The following ANGEL2 variants were observed in gnomAD, a reference collection of about 807,000 sequenced individuals.
ANGEL2 encodes RNA 2',3'-cyclic phosphatase ANGEL2.
A neutral mutation model predicts 66.0 loss-of-function variants in ANGEL2; 41 were observed. That is an observed-to-expected ratio of 0.62 (90% CI 0.48 to 0.81). ANGEL2 has a LOEUF of 0.81. ANGEL2 is among the 30% of genes least tolerant of loss of function. ANGEL2 has a pLI of 0.00. For missense variants in ANGEL2, 561 were observed against 641.6 expected (o/e 0.87, Z 1.36); for synonymous variants, 208 against 226.5 (o/e 0.92, Z 0.73).
intron 4 of ANGEL2, chr1:213,006,461 C>CAAAAA (rs11324297): frequency 4.9e-5 from 4 of 81,842 alleles, no homozygotes; most frequent in Admixed American, 1.2e-4. Flanking sequence ...GACTCTGTCG[C>CAAAAA]AAAAAAAAAA....
chr1:212,997,167 C>T lies in ANGEL2; in HGVS notation c.1471G>A (p.Ala491Thr). 6.2e-7 allele frequency: 1 copy of T among 1,612,670 alleles called. No homozygotes were observed. Among genetic ancestry groups the T allele is most frequent in the South Asian group, 1.1e-5 (1 of 90,954 alleles). Residue 491 changes from alanine to threonine, a missense_variant, in exon 8 of 9, where the codon GCT (alanine) becomes ACT (threonine). Ala to Thr is a moderately conservative substitution (Grantham distance 58, BLOSUM62 0). Transcript: ENST00000366962. Reference sequence around the variant, plus strand: ...ATGCATTCCTTACCTGGGTGCCCAGCAACATCTTCCTTTTCTGCAGAGTAG... The same window carrying T: ...ATGCATTCCTTACCTGGGTGCCCAGTAACATCTTCCTTTTCTGCAGAGTAG... ...IFYSAEKEDV[A>T]GHPGAEVALV...
chr1:212,998,477 G>C (rs143303861), intron 7 of ANGEL2, among the ~76,000 whole-genome samples: 57 of 150,946 alleles, frequency 3.8e-4, no homozygotes, highest in African/African-American at 1.3e-3. Context: ...TATAAGCTAT[G>C]CATATAAACA....
chr1:213,000,775 C>T lies in ANGEL2; in HGVS notation c.1261+11G>A, dbSNP rs534634324. ...CCCAGCAGACTGCCAAAATGTATTA[C>T]AAACACTTACCTGTCTTTTCTACTT... On this transcript the variant is annotated intron_variant, in intron 6 of 8. Transcript: ENST00000366962. 1.8e-5 allele frequency: 29 copies of T among 1,598,744 alleles called. No homozygotes were observed. Among genetic ancestry groups the T allele is most frequent in the African/African-American group, 5.4e-5 (4 of 74,090 alleles).
At chr1:212,996,634 AAAAAAAATATAT>A (rs2076019702) in intron 8 of ANGEL2, among the ~76,000 whole-genome samples, 1 of 49,202 alleles carries the variant, frequency 2.0e-5, no homozygotes, top group African/African-American at 4.3e-5. Flanking sequence ...AAAAAAAAAA[AAAAAAAATATAT>A]ATATATATAT....
intron 7 of ANGEL2, 53 bp from the exon 8 acceptor site, chr1:212,997,371 T>C: frequency 6.7e-7 from 1 of 1,490,988 alleles, no homozygotes; most frequent in Non-Finnish European, 9.2e-7. Flanking sequence ...ACTTCAAGAA[T>C]TCCTCCTATC....
chr1:213,014,112 T>A (rs930925887), intron 1 of ANGEL2, among the ~76,000 whole-genome samples: 5 of 152,188 alleles, frequency 3.3e-5, no homozygotes, highest in Non-Finnish European at 5.9e-5. Context: ...TAACCCATCA[T>A]CCAAAACATC....
At chr1:212,995,824 G>A (rs1274112321) in intron 8 of ANGEL2, among the ~76,000 whole-genome samples, 1 of 151,514 alleles carries the variant, frequency 6.6e-6, no homozygotes, top group Non-Finnish European at 1.5e-5. Context: ...AAGGAGGGGG[G>A]AACAAACAGA....
Position 213,013,223 on chromosome 1 carries a change from C to T in ANGEL2, c.255G>A (p.Glu85=). The change falls in exon 2 of 9, where the codon GAG becomes GAA. Residue 85 remains glutamate (E), a synonymous_variant. Transcript: ENST00000366962. ...TACAGTACTGGAACTGAGTTCTAGA[C>T]TCAAACAAACAGGGTGGTCTCCAAT... The part of the protein sequence containing the change: ...SLNWRPPCLF[E]SRTQFQYCNW... The T allele has an allele frequency of 1.2e-6, 2 of 1,614,128 alleles. No homozygotes were observed. The highest frequency in any genetic ancestry group is 1.7e-6 in the Non-Finnish European group (2 of 1,180,022).
intron 4 of ANGEL2, 178 bp downstream of exon 4, chr1:213,006,951 G>T: frequency 2.2e-6 from 1 of 457,268 alleles, no homozygotes; most frequent in Non-Finnish European, 3.8e-6. Flanking sequence ...ATAATTGGCC[G>T]GGCATGGTGG....
In ANGEL2 at chr1:213,008,438, T is replaced by C. The variant is rs556582176; in HGVS notation, c.414A>G (p.Ile138Met). ...TCGTTTTTTCTTTATCATGGCTACA[T>C]ATATATTCCCAATTCCGCTTTATCA... ...QGVIKRNWEY[I>M]CSHDKEKTKI... Residue 138 changes from isoleucine to methionine, a missense_variant, in exon 3 of 9, where the codon ATA (isoleucine) becomes ATG (methionine). Coordinates refer to ENST00000366962, the MANE Select transcript of ANGEL2 (RefSeq NM_144567.5). The C allele has an allele frequency of 1.2e-6, 2 of 1,613,724 alleles. No homozygotes were observed. Among genetic ancestry groups the C allele is most frequent in the South Asian group, 1.1e-5 (1 of 91,038 alleles).
chr1:213,000,358 C>T lies in ANGEL2; in HGVS notation c.1287G>A (p.Leu429=), dbSNP rs762373866. The change falls in exon 7 of 9, where the codon CTG becomes CTA. Residue 429 remains leucine, a synonymous_variant. Transcript: ENST00000366962. ...KTDSDLTQTQ[L]KQTEVLVTAE... is the part of the protein sequence containing the mutation. ...CTGTCACTAGGACCTCTGTTTGCTT[C>T]AGCTGTGTTTGTGTCAGATCACTGT... The T allele has an allele frequency of 6.2e-7, 1 of 1,613,880 alleles. No homozygotes were observed. The highest frequency in any genetic ancestry group is 1.7e-5 in the Admixed American group (1 of 59,998).
At position 213,005,392 on chromosome 1, in the gene ANGEL2, T is replaced by G. The variant is rs201289618; in HGVS notation, c.775A>C (p.Lys259Gln). The change falls in exon 5 of 9, where the codon AAA becomes CAA. Residue 259 changes from lysine to glutamine, a missense_variant. Coordinates refer to ENST00000366962, the MANE Select transcript of ANGEL2 (RefSeq NM_144567.5). Reference protein sequence around the residue: ...RKPDGCAICFKHSKFSLLSVN... With the variant: ...RKPDGCAICFQHSKFSLLSVN... ...GACAAGAGTGAAAATTTGGAATGTT[T>G]GAAGCAAATAGCACAGCCATCAGGT... 1 of 1,614,120 alleles carries G rather than the reference T, an allele frequency of 6.2e-7. No individual in the cohort carries two copies. The highest frequency in any genetic ancestry group is 2.2e-5 in the East Asian group (1 of 44,890).
At position 212,997,536 on chromosome 1, in the gene ANGEL2, C is replaced by T. The variant is rs141722249; in HGVS notation, c.1320-218G>A. ...TTATAAATGTGGTTTTTAAAAAAAG[C>T]TCAATAATTAACATACTAATGTGTT... On this transcript the variant is annotated intron_variant, in intron 7 of 8. Coordinates refer to ENST00000366962, the MANE Select transcript of ANGEL2 (RefSeq NM_144567.5). Among the ~76,000 whole-genome samples the T allele has an allele frequency of 3.2e-3, 483 of 152,238 alleles. 4 individuals carry two copies. The highest frequency in any genetic ancestry group is 0.011 in the African/African-American group (460 of 41,536).
chr1:213,000,432 TA>T lies in ANGEL2; in HGVS notation c.1262-50del, dbSNP rs1262394831. ...TTAATGTTATTGTTCTAGTTTGCCT[TA>T]ATATCGTCATCTTACTCTAGAAACA... On this transcript the variant is annotated intron_variant, in intron 6 of 8. Transcript: ENST00000366962. The T allele has an allele frequency of 2.0e-6, 3 of 1,491,130 alleles. No individual in the cohort carries two copies. In the Admixed American group the frequency reaches 5.3e-5, roughly 26 times the overall value. 92.4% of individuals were successfully genotyped at this position (1,491,130 alleles called of 1,614,324 possible). A position where few individuals can be genotyped will look rare whatever the true frequency, so the allele number is the denominator to read the frequency against.
chr1:212,997,414 G>T, intron 7 of ANGEL2, 96 bp from the exon 8 acceptor site: 1 of 1,057,268 alleles, frequency 9.5e-7, no homozygotes, highest in Non-Finnish European at 1.4e-6. Context: ...TCTAGACTAA[G>T]ACCAAACATT....
At chr1:213,014,986 G>A (rs1158209935) in intron 1 of ANGEL2, among the ~76,000 whole-genome samples, 2 of 152,204 alleles carry the variant, frequency 1.3e-5, no homozygotes, top group Admixed American at 6.5e-5. Flanking sequence ...TGCAGACACT[G>A]CTTAGGGTGA....
Position 213,015,190 on chromosome 1 carries a change from A to G in ANGEL2, c.59+423T>C, listed in dbSNP as rs373856432. 1.7e-5 allele frequency: 17 copies of G among 1,028,224 alleles called. No homozygotes were observed. The East Asian group carries it at 6.2e-4, about 37-fold the overall frequency. The allele number at this position is 1,028,224 out of a possible 1,614,324, so 63.7% of individuals were successfully genotyped here. On this transcript the variant is annotated intron_variant, in intron 1 of 8. Coordinates refer to ENST00000366962, the MANE Select transcript of ANGEL2 (RefSeq NM_144567.5). ...AGCCCCTCCTGGGCGTGTGCCACAC[A>G]CGCGCCTCCAAGGGATCAGGCCCGC...
chr1:213,013,331 T>G lies in ANGEL2; in HGVS notation c.147A>C (p.Arg49Ser), dbSNP rs1027268930. 2 of 1,614,170 alleles carry G rather than the reference T, an allele frequency of 1.2e-6. 1 individual carries two copies. Among genetic ancestry groups the G allele is most frequent in the Non-Finnish European group, 1.7e-6 (2 of 1,180,002 alleles). ...WENLQRCCWN[R>S]HISSCMRWPG... ...GCCACCTCATACAACTAGAAATATGTCTGTTCCAGCAACACCTTTGCAGAT... is the reference window on the plus strand; with the variant it reads ...GCCACCTCATACAACTAGAAATATGGCTGTTCCAGCAACACCTTTGCAGAT... Residue 49 changes from arginine to serine, a missense_variant, in exon 2 of 9, where the codon AGA (arginine) becomes AGC (serine). By Grantham distance (110) the Arg-to-Ser change is moderately radical (BLOSUM62 -1). Coordinates refer to ENST00000366962, the MANE Select transcript of ANGEL2 (RefSeq NM_144567.5).
intron 4 of ANGEL2, among the ~76,000 whole-genome samples, chr1:213,006,138 G>A (rs1016258835): frequency 6.6e-6 from 1 of 151,974 alleles, no homozygotes; most frequent in South Asian, 2.1e-4. Flanking sequence ...CTAGAACAGT[G>A]CACGGTATAT....
Sources: allele counts gnomAD v4.1 joint callset (sites outside exome capture counted in the v4.1 genomes callset), GRCh38; gene constraint gnomAD v4.1.1; transcripts MANE v1.5; gene names NCBI Gene and HGNC (gene_info 2026-07-23, HGNC 2026-07-21).